FGF13: variants seen among roughly 807,000 people sequenced by gnomAD.
FGF13 encodes the protein fibroblast growth factor 13.
FGF13 carries 2 observed loss-of-function variants against 19.5 expected under a neutral mutation model. That is an observed-to-expected ratio of 0.10 (90% CI 0.04 to 0.32). The LOEUF is 0.32. Among genes scored for constraint, FGF13 ranks in the 10% least tolerant of loss-of-function variants. The pLI, the probability that FGF13 is intolerant of heterozygous loss-of-function variation, is 1.00. For missense variants in FGF13, 113 were observed against 192.7 expected (o/e 0.59, Z 2.45); for synonymous variants, 72 against 76.9 (o/e 0.94, Z 0.33).
chrX:139,173,301 G>T (rs1374065260), intron 1 of FGF13, among the ~76,000 whole-genome samples: 1 of 110,842 alleles, frequency 9.0e-6, no homozygotes, highest in Non-Finnish European at 1.9e-5. Context: ...GCTCTAAACT[G>T]TCTCTTCTAG....
At chrX:138,800,020 T>C (rs1175622617) in intron 3 of FGF13, among the ~76,000 whole-genome samples, 1 of 111,896 alleles carries the variant, frequency 8.9e-6, no homozygotes, top group Non-Finnish European at 1.9e-5. Flanking sequence ...GTATTGACTC[T>C]TTATCCAATT....
At chrX:138,778,097 A>G (rs913923134) in intron 3 of FGF13, among the ~76,000 whole-genome samples, 1 of 111,557 alleles carries the variant, frequency 9.0e-6, no homozygotes, top group Non-Finnish European at 1.9e-5. Context: ...TCCCAGCCTG[A>G]GCGACGCAGA....
intron 1 of FGF13, among the ~76,000 whole-genome samples, chrX:139,028,648 TGTGA>T (rs770266013): frequency 0.021 from 1,104 of 51,780 alleles, 27 homozygotes; most frequent in African/African-American, 0.071. Context: ...TGTGTGTGTG[TGTGA>T]GAGAGAGAGA....
At chrX:139,080,676 C>T (rs1271953774) in intron 1 of FGF13, among the ~76,000 whole-genome samples, 2 of 111,896 alleles carry the variant, frequency 1.8e-5, no homozygotes, top group Non-Finnish European at 3.8e-5. Flanking sequence ...CAAGTGTGGG[C>T]CATCGGTGCT....
chrX:139,133,226 G>A (rs1603214975), intron 1 of FGF13, among the ~76,000 whole-genome samples: 1 of 108,975 alleles, frequency 9.2e-6, no homozygotes, highest in Non-Finnish European at 1.9e-5. Flanking sequence ...AAACACTATT[G>A]TAAGTAACAA....
At chrX:138,735,014 A>G (rs1290014750) in intron 1 of FGF13, among the ~76,000 whole-genome samples, 2 of 112,263 alleles carry the variant, frequency 1.8e-5, no homozygotes, top group African/African-American at 6.5e-5. Context: ...TTGCTTACAG[A>G]ATAACATCAA....
chrX:138,855,147 AACC>A (rs1364783965), downstream of FGF13, among the ~76,000 whole-genome samples: 8 of 111,991 alleles, frequency 7.1e-5, no homozygotes, highest in African/African-American at 9.7e-5. Context: ...ATGACCAGTG[AACC>A]CTTCCAAACC....
intron 3 of FGF13, among the ~76,000 whole-genome samples, chrX:138,699,452 T>C (rs1310445276): frequency 9.0e-6 from 1 of 111,143 alleles, no homozygotes; most frequent in Non-Finnish European, 1.9e-5. Context: ...CTGCCCTAAA[T>C]ACACACCCAC....
chrX:139,012,575 C>T (rs963566108), intron 1 of FGF13, among the ~76,000 whole-genome samples: 4 of 111,197 alleles, frequency 3.6e-5, no homozygotes, highest in Admixed American at 2.9e-4. Flanking sequence ...TTCAACAAAG[C>T]AAAGAAAAAC....
intron 3 of FGF13, among the ~76,000 whole-genome samples, chrX:138,761,841 CTCCTT>C (rs1489887655): frequency 9.0e-6 from 1 of 111,233 alleles, no homozygotes; most frequent in Non-Finnish European, 1.9e-5. Flanking sequence ...AATCCATCCC[CTCCTT>C]TGTCTCCTTT....
chrX:138,732,479 A>G (rs1054085624), intron 1 of FGF13, among the ~76,000 whole-genome samples: 10 of 111,678 alleles, frequency 9.0e-5, no homozygotes, highest in African/African-American at 3.3e-4. Flanking sequence ...GAAAGTAGCC[A>G]GACACACAAA....
chrX:139,049,768 G>A (rs145548495), intron 1 of FGF13, among the ~76,000 whole-genome samples: 1,402 of 112,197 alleles, frequency 0.012, 28 homozygotes, highest in African/African-American at 0.043. Flanking sequence ...AATAAGTTTC[G>A]GAATCCCATA....
At chrX:138,879,825 C>T (rs1482471207) in intron 1 of FGF13, among the ~76,000 whole-genome samples, 3 of 111,659 alleles carry the variant, frequency 2.7e-5, no homozygotes, top group African/African-American at 9.8e-5. Flanking sequence ...CCCAAATTGA[C>T]AAATGGGATC....
At chrX:138,826,981 G>C (rs974910086) in intron 3 of FGF13, among the ~76,000 whole-genome samples, 6 of 112,421 alleles carry the variant, frequency 5.3e-5, no homozygotes, top group Non-Finnish European at 9.4e-5. Flanking sequence ...ATCAGGAATT[G>C]TAACATGGGG....
intron 3 of FGF13, among the ~76,000 whole-genome samples, chrX:138,811,507 A>C (rs1217834709): frequency 9.0e-6 from 1 of 110,847 alleles, no homozygotes; most frequent in Admixed American, 9.7e-5. Context: ...TGACGAGTTA[A>C]TGGGTGCAGC....
At chrX:138,684,524 T>TATTTAC (rs1416296741) in intron 3 of FGF13, among the ~76,000 whole-genome samples, 1 of 111,639 alleles carries the variant, frequency 9.0e-6, no homozygotes. Flanking sequence ...TAGTAATGAA[T>TATTTAC]TTGGTATGGT....
At chrX:139,054,117 C>CTTTT (rs58544411) in intron 1 of FGF13, among the ~76,000 whole-genome samples, 30 of 33,965 alleles carry the variant, frequency 8.8e-4, no homozygotes, top group African/African-American at 2.0e-3. Context: ...GTCTACGTGC[C>CTTTT]TTTTTTTTTT....
chrX:138,626,537 G>A lies in FGF13; in HGVS notation c.*6313C>T, dbSNP rs978393769. 5 of 111,899 alleles carry A rather than the reference G, an allele frequency of 4.5e-5. No individual in the cohort carries two copies. Among genetic ancestry groups the A allele is most frequent in the Admixed American group, 9.5e-5 (1 of 10,544 alleles). 9.2% of individuals were successfully genotyped at this position (111,899 alleles called of 1,213,427 possible). On this transcript the variant is annotated 3_prime_UTR_variant, in exon 5 of 5. Transcript: ENST00000315930. ...CATCACAGCATTTATTGCAATCTAAGTGTGATGCTTGCATGTCTATCTACC... is the reference window on the plus strand; with the variant it reads ...CATCACAGCATTTATTGCAATCTAAATGTGATGCTTGCATGTCTATCTACC...
At chrX:138,926,457 G>C in intron 1 of FGF13, among the ~76,000 whole-genome samples, 1 of 111,891 alleles carries the variant, frequency 8.9e-6, no homozygotes, top group East Asian at 2.8e-4. Flanking sequence ...GCAGAATAAG[G>C]AGAACAAGGA....
Sources: allele counts gnomAD v4.1 joint callset (sites outside exome capture counted in the v4.1 genomes callset), GRCh38; gene constraint gnomAD v4.1.1; transcripts MANE v1.5; gene names NCBI Gene and HGNC (gene_info 2026-07-23, HGNC 2026-07-21).